Variants in PRKCA observed in about 807,000 individuals in gnomAD.
PRKCA encodes the protein protein kinase C alpha type.
Under a neutral mutation model 87.0 loss-of-function variants are expected in PRKCA, and 27 were observed. The ratio of observed to expected loss-of-function variants is 0.31; its 90% confidence interval spans 0.23 to 0.43. The LOEUF (loss-of-function observed/expected upper bound fraction) is 0.43. Ranked by LOEUF, PRKCA falls within the 20% of genes least tolerant of loss-of-function variation. The pLI is 1.00. For missense variants in PRKCA, 518 were observed against 852.3 expected, an observed-to-expected ratio of 0.61 and a Z score of 4.88; for synonymous variants, 329 against 311.1, an observed-to-expected ratio of 1.06 and a Z score of -0.61.
chr17:66,311,422 C>T (rs1371143858), intron 2 of PRKCA, among the ~76,000 whole-genome samples: 2 of 152,064 alleles, frequency 1.3e-5, no homozygotes, highest in African/African-American at 4.8e-5. Context: ...TTAAGACCAG[C>T]CCGGGCAACA....
At chr17:66,345,414 T>G (rs1456582996) in intron 2 of PRKCA, among the ~76,000 whole-genome samples, 5 of 152,184 alleles carry the variant, frequency 3.3e-5, no homozygotes, top group Non-Finnish European at 7.4e-5. Flanking sequence ...TTAATGACTT[T>G]CAGAGTAGTG....
At chr17:66,399,576 A>G (rs1312625721) in intron 2 of PRKCA, among the ~76,000 whole-genome samples, 1 of 152,168 alleles carries the variant, frequency 6.6e-6, no homozygotes, top group East Asian at 1.9e-4. Flanking sequence ...TCATCTTGCA[A>G]AACTGAAACT....
chr17:66,608,085 A>C (rs867135688), intron 3 of PRKCA, among the ~76,000 whole-genome samples: 4 of 152,180 alleles, frequency 2.6e-5, no homozygotes, highest in African/African-American at 4.8e-5. Context: ...TGGTCTTGGA[A>C]TACATTGAAG....
At chr17:66,661,787 C>T (rs1360656220) in intron 5 of PRKCA, among the ~76,000 whole-genome samples, 1 of 152,142 alleles carries the variant, frequency 6.6e-6, no homozygotes, top group Non-Finnish European at 1.5e-5. Flanking sequence ...TGAATGGGCT[C>T]ACGGGGAGAT....
chr17:66,537,181 G>A (rs1368887289), intron 3 of PRKCA, among the ~76,000 whole-genome samples: 4 of 152,046 alleles, frequency 2.6e-5, no homozygotes, highest in African/African-American at 7.3e-5. Context: ...GGAAAACCAC[G>A]GTATTTCAGT....
intron 2 of PRKCA, among the ~76,000 whole-genome samples, chr17:66,336,932 G>A (rs1374366075): frequency 6.6e-6 from 1 of 151,988 alleles, no homozygotes; most frequent in East Asian, 1.9e-4. Context: ...GGGGTTACAG[G>A]CGCCCGCCAC....
At chr17:66,727,291 G>C (rs1433623499) in intron 8 of PRKCA, among the ~76,000 whole-genome samples, 1 of 152,206 alleles carries the variant, frequency 6.6e-6, no homozygotes, top group Non-Finnish European at 1.5e-5. Flanking sequence ...CGTGCAAGGG[G>C]GTTTGGGGCC....
At chr17:66,472,477 T>C (rs1915366592) in intron 2 of PRKCA, among the ~76,000 whole-genome samples, 1 of 152,178 alleles carries the variant, frequency 6.6e-6, no homozygotes. Flanking sequence ...CTATTAGCAT[T>C]TCTCCAATTT....
chr17:66,359,829 G>A (rs1908276633), intron 2 of PRKCA, among the ~76,000 whole-genome samples: 1 of 152,184 alleles, frequency 6.6e-6, no homozygotes, highest in Admixed American at 6.5e-5. Context: ...TTGCACAAAA[G>A]CTCAAAGTAC....
rs368785154 is a variant in PRKCA, at chr17:66,562,433, A to G, written c.288+66150A>G. Among the ~76,000 whole-genome samples the G allele has an allele frequency of 7.4e-4, 112 of 151,972 alleles. No individual in the cohort carries two copies. The East Asian group carries it at 0.019, about 26-fold the overall frequency. On this transcript the variant is annotated intron_variant, in intron 3 of 16. Coordinates refer to ENST00000413366, the MANE Select transcript of PRKCA (RefSeq NM_002737.3). The stretch of plus-strand genomic sequence containing the variant: ...GAAGGGAAACAGCAGTTGTGGAAGT[A>G]TGTCTCAGGCACCCTGGAGGACACC...
At chr17:66,613,779 CTTTTTTTTT>C (rs57610655) in intron 3 of PRKCA, among the ~76,000 whole-genome samples, 10 of 69,380 alleles carry the variant, frequency 1.4e-4, no homozygotes, top group South Asian at 7.5e-4. Context: ...TGACTTCATC[CTTTTTTTTT>C]TTTTTTTTTT....
At chr17:66,513,305 T>C (rs1408185767) in intron 3 of PRKCA, among the ~76,000 whole-genome samples, 1 of 152,212 alleles carries the variant, frequency 6.6e-6, no homozygotes, top group African/African-American at 2.4e-5. Flanking sequence ...ATAGAGACTT[T>C]TTCCTTTCTA....
chr17:66,749,322 G>A (rs1489525050), intron 13 of PRKCA, among the ~76,000 whole-genome samples: 1 of 136,560 alleles, frequency 7.3e-6, no homozygotes, highest in African/African-American at 2.7e-5. Flanking sequence ...TAGACCCATT[G>A]CACTAGCTCC....
At chr17:66,538,048 G>A (rs1377058710) in intron 3 of PRKCA, among the ~76,000 whole-genome samples, 2 of 152,040 alleles carry the variant, frequency 1.3e-5, no homozygotes, top group African/African-American at 2.4e-5. Flanking sequence ...CAATCTGCCC[G>A]CCTCTGCCTC....
At chr17:66,360,241 C>T (rs1908308372) in intron 2 of PRKCA, among the ~76,000 whole-genome samples, 1 of 152,116 alleles carries the variant, frequency 6.6e-6, no homozygotes. Context: ...TTGGCTAAAC[C>T]ATGGGACCCT....
chr17:66,523,970 G>C (rs1967259408), intron 3 of PRKCA, among the ~76,000 whole-genome samples: 1 of 152,210 alleles, frequency 6.6e-6, no homozygotes, highest in Non-Finnish European at 1.5e-5. Context: ...ACTGTCAGCA[G>C]GGTGTAGTGG....
At chr17:66,310,990 T>C (rs1389224617) in intron 2 of PRKCA, among the ~76,000 whole-genome samples, 1 of 152,178 alleles carries the variant, frequency 6.6e-6, no homozygotes, top group Non-Finnish European at 1.5e-5. Context: ...ATGTACTGCA[T>C]TGACCGCTGC....
At chr17:66,675,578 C>T (rs1322534622) in intron 5 of PRKCA, among the ~76,000 whole-genome samples, 1 of 152,130 alleles carries the variant, frequency 6.6e-6, no homozygotes, top group Non-Finnish European at 1.5e-5. Flanking sequence ...CCAGGGCCTA[C>T]CCTAGAATGT....
chr17:66,336,892 G>A (rs939712832), intron 2 of PRKCA, among the ~76,000 whole-genome samples: 15 of 151,806 alleles, frequency 9.9e-5, no homozygotes, highest in Non-Finnish European at 8.8e-5. Flanking sequence ...GGGCTCAAGT[G>A]ATTGTCCTGC....
Sources: gnomAD v4.1 joint callset for allele counts (sites outside exome capture counted in the v4.1 genomes callset) on GRCh38, gnomAD v4.1.1 for gene constraint, MANE v1.5 for transcripts, NCBI Gene and HGNC (gene_info 2026-07-23, HGNC 2026-07-21) for gene names.